CELF2: variants seen among roughly 807,000 people sequenced by gnomAD.
CELF2 encodes the protein CUG triplet repeat RNA-binding protein 2.
A neutral mutation model predicts 62.6 loss-of-function variants in CELF2; 8 were observed. The observed-to-expected ratio is 0.13, with a 90% CI of 0.07 to 0.23. The LOEUF (loss-of-function observed/expected upper bound fraction) is 0.23. Ranked by LOEUF, CELF2 falls within the 10% of genes least tolerant of loss-of-function variation. The probability of loss-of-function intolerance (pLI) is 1.00; values close to 1 mark genes in which losing one functional copy is unlikely to be tolerated. For missense variants in CELF2, 333 were observed against 671.0 expected, an observed-to-expected ratio of 0.50 and a Z score of 5.56; for synonymous variants, 258 against 250.0, an observed-to-expected ratio of 1.03 and a Z score of -0.30.
chr10:11,169,645 T>C (rs2068236509), intron 2 of CELF2, among the ~76,000 whole-genome samples: 1 of 152,228 alleles, frequency 6.6e-6, no homozygotes, highest in Non-Finnish European at 1.5e-5. Context: ...CTGAAGGATT[T>C]AAAATTCCTT....
At chr10:10,838,379 C>G (rs775858261) in intron 1 of CELF2, among the ~76,000 whole-genome samples, 8 of 152,062 alleles carry the variant, frequency 5.3e-5, no homozygotes, top group Non-Finnish European at 1.0e-4. Context: ...CAAAGTTATT[C>G]TTTCTCCCAC....
the CELF2 span, among the ~76,000 whole-genome samples, chr10:10,692,376 T>G: frequency 6.6e-6 from 1 of 151,300 alleles, no homozygotes; most frequent in Admixed American, 6.6e-5. Context: ...ATATCTCTGT[T>G]TTGGTACCAG....
At chr10:10,547,122 C>G in the CELF2 span, among the ~76,000 whole-genome samples, 1 of 151,996 alleles carries the variant, frequency 6.6e-6, no homozygotes, top group Non-Finnish European at 1.5e-5. Context: ...AATTGATATT[C>G]AAGGAATCAT....
chr10:10,942,831 T>C (rs568504702), intron 2 of CELF2, among the ~76,000 whole-genome samples: 1 of 152,214 alleles, frequency 6.6e-6, no homozygotes, highest in Non-Finnish European at 1.5e-5. Context: ...TTTGTGGTGA[T>C]GTGGATTAAT....
chr10:10,799,260 C>T (rs1363215800), intron 1 of CELF2, among the ~76,000 whole-genome samples: 1 of 151,962 alleles, frequency 6.6e-6, no homozygotes, highest in Non-Finnish European at 1.5e-5. Flanking sequence ...GGATGGATCC[C>T]TTTGAGGTCA....
At chr10:10,821,882 C>T (rs2056995247) in intron 1 of CELF2, among the ~76,000 whole-genome samples, 2 of 152,192 alleles carry the variant, frequency 1.3e-5, no homozygotes, top group Non-Finnish European at 2.9e-5. Context: ...CTCAAGCAAT[C>T]CTCCTGCCTC....
At chr10:10,685,152 T>C in the CELF2 span, among the ~76,000 whole-genome samples, 7 of 152,208 alleles carry the variant, frequency 4.6e-5, no homozygotes, top group Non-Finnish European at 1.5e-5. Context: ...TTGATGATCC[T>C]CTGGGAACCA....
the CELF2 span, among the ~76,000 whole-genome samples, chr10:10,615,364 C>T: frequency 7.2e-5 from 11 of 152,222 alleles, no homozygotes; most frequent in South Asian, 1.9e-3. Context: ...GGATGCATCC[C>T]CGCTGAGGTC....
At chr10:10,692,662 C>G in the CELF2 span, among the ~76,000 whole-genome samples, 1,179 of 91,400 alleles carry the variant, frequency 0.013, 1 homozygote, top group South Asian at 0.033. Context: ...TCTTCCATTT[C>G]TTTGTATCCT....
intron 2 of CELF2, among the ~76,000 whole-genome samples, chr10:10,923,688 C>G (rs2065137638): frequency 1.3e-5 from 2 of 152,162 alleles, no homozygotes; most frequent in African/African-American, 4.8e-5. Flanking sequence ...GCAACATGCA[C>G]TAAGCATTGA....
chr10:10,911,498 G>C (rs576026732), intron 1 of CELF2, among the ~76,000 whole-genome samples: 10 of 152,354 alleles, frequency 6.6e-5, no homozygotes, highest in African/African-American at 2.4e-4. Flanking sequence ...CGATGCCTCT[G>C]ACGGCTCCGA....
chr10:11,307,576 A>G (rs1266522016), intron 9 of CELF2, among the ~76,000 whole-genome samples: 1 of 152,230 alleles, frequency 6.6e-6, no homozygotes, highest in African/African-American at 2.4e-5. Flanking sequence ...CATTACATAG[A>G]TTATTTAATC....
chr10:10,815,803 A>T (rs978217617), intron 1 of CELF2, among the ~76,000 whole-genome samples: 1 of 152,038 alleles, frequency 6.6e-6, no homozygotes, highest in African/African-American at 2.4e-5. Flanking sequence ...TGTTAGTTAG[A>T]TGGGGAACAG....
At chr10:10,689,129 T>G in the CELF2 span, among the ~76,000 whole-genome samples, 1 of 152,322 alleles carries the variant, frequency 6.6e-6, no homozygotes, top group Admixed American at 6.5e-5. Flanking sequence ...AAGAACTACC[T>G]GAGACTGGGT....
intron 7 of CELF2, among the ~76,000 whole-genome samples, chr10:11,273,995 A>G (rs1370989821): frequency 3.3e-5 from 2 of 60,408 alleles, no homozygotes; most frequent in Non-Finnish European, 6.4e-5. Flanking sequence ...TGGCCTCCCA[A>G]AGTCCTGGGA....
chr10:10,908,214 A>AGTTTTTTTTT (rs2063501269), intron 1 of CELF2, among the ~76,000 whole-genome samples: 1 of 83,738 alleles, frequency 1.2e-5, no homozygotes, highest in African/African-American at 4.8e-5. Flanking sequence ...GTATGAGGGG[A>AGTTTTTTTTT]TTTTTTTTTT....
At chr10:10,600,961 C>G in the CELF2 span, among the ~76,000 whole-genome samples, 1 of 152,216 alleles carries the variant, frequency 6.6e-6, no homozygotes, top group Admixed American at 6.5e-5. Flanking sequence ...GTGGAACCAT[C>G]ATTTGCATCC....
At chr10:11,320,334 A>G (rs2095360815) in intron 10 of CELF2, among the ~76,000 whole-genome samples, 3 of 152,214 alleles carry the variant, frequency 2.0e-5, no homozygotes, top group Admixed American at 1.3e-4. Flanking sequence ...GGTCCAGCCC[A>G]TAGACACACC....
chr10:10,628,993 AC>A, the CELF2 span, among the ~76,000 whole-genome samples: 2 of 152,334 alleles, frequency 1.3e-5, no homozygotes, highest in East Asian at 3.9e-4. Flanking sequence ...AAAAGGACCC[AC>A]ATTGTTAATC....
Sources: gnomAD v4.1 joint callset for allele counts (sites outside exome capture counted in the v4.1 genomes callset) on GRCh38, gnomAD v4.1.1 for gene constraint, MANE v1.5 for transcripts, NCBI Gene and HGNC (gene_info 2026-07-23, HGNC 2026-07-21) for gene names.